Variants in NCKAP5 observed in about 807,000 individuals in gnomAD.
NCKAP5 encodes the protein NCK associated protein 5, also known as nck-associated protein 5.
NCKAP5 carries 92 observed loss-of-function variants against 167.0 expected under a neutral mutation model. That is an observed-to-expected ratio of 0.55 (90% CI 0.47 to 0.66). NCKAP5 has a LOEUF of 0.66. Among genes scored for constraint, NCKAP5 ranks in the 30% least tolerant of loss-of-function variants. The pLI is 0.00. For synonymous variants in NCKAP5, 891 were observed against 877.4 expected, an observed-to-expected ratio of 1.02 and a Z score of -0.27; for missense variants, 2,378 against 2,315.0, an observed-to-expected ratio of 1.03 and a Z score of -0.56.
intron 11 of NCKAP5, among the ~76,000 whole-genome samples, chr2:132,820,241 T>G (rs76671136): frequency 0.011 from 1,745 of 152,004 alleles, 27 homozygotes; most frequent in African/African-American, 0.039. Flanking sequence ...TTTTGTTTTT[T>G]TTTTAAGAGA....
intron 6 of NCKAP5, among the ~76,000 whole-genome samples, chr2:133,080,859 G>A (rs1242419261): frequency 6.6e-6 from 1 of 152,132 alleles, no homozygotes; most frequent in Non-Finnish European, 1.5e-5. Context: ...GAGACAGGAG[G>A]GAAAAGGTGG....
chr2:133,117,521 G>C (rs1017684366), intron 6 of NCKAP5: 1 of 152,184 alleles, frequency 6.6e-6, no homozygotes, highest in African/African-American at 2.4e-5. Flanking sequence ...CTCAAGAGAG[G>C]CTGCTTAGAA....
intron 8 of NCKAP5, among the ~76,000 whole-genome samples, chr2:132,946,743 C>T (rs1417849277): frequency 6.6e-6 from 1 of 152,072 alleles, no homozygotes; most frequent in East Asian, 1.9e-4. Flanking sequence ...TAAAAAAATA[C>T]AACAATTCGC....
intron 10 of NCKAP5, among the ~76,000 whole-genome samples, chr2:132,864,390 A>C (rs1406009971): frequency 6.6e-6 from 1 of 152,184 alleles, no homozygotes; most frequent in African/African-American, 2.4e-5. Context: ...GGTTCAAGAA[A>C]ATACTCAGAC....
At chr2:133,662,215 T>C in the NCKAP5 span, among the ~76,000 whole-genome samples, 1 of 152,148 alleles carries the variant, frequency 6.6e-6, no homozygotes, top group Non-Finnish European at 1.5e-5. Flanking sequence ...TTACTTTGCA[T>C]GGGTTGATGA....
In NCKAP5 at chr2:132,716,927, T is replaced by G. The variant is rs147126766; in HGVS notation, c.5713+8700A>C. 5.0e-3 allele frequency among the ~76,000 whole-genome samples: 766 copies of G among 152,308 alleles called. 8 individuals are homozygous for G. Among genetic ancestry groups the G allele is most frequent in the African/African-American group, 0.017 (726 of 41,554 alleles). ...GATAGTTAGCTTTTGACCATGTGATTTTTAGAAGCTGGCTGGGTTTTTTGT... is the reference window on the plus strand; with the variant it reads ...GATAGTTAGCTTTTGACCATGTGATGTTTAGAAGCTGGCTGGGTTTTTTGT... On this transcript the variant is annotated intron_variant, in intron 19 of 19. Transcript: ENST00000409261.
At chr2:133,414,539 C>T (rs964806111) in intron 3 of NCKAP5, among the ~76,000 whole-genome samples, 1 of 152,116 alleles carries the variant, frequency 6.6e-6, no homozygotes, top group African/African-American at 2.4e-5. Flanking sequence ...AAGCAACTCA[C>T]ATTACTCAAA....
chr2:133,065,168 C>T lies in NCKAP5; in HGVS notation c.341+64810G>A, dbSNP rs562866981. 2.0e-4 allele frequency among the ~76,000 whole-genome samples: 31 copies of T among 151,994 alleles called. No homozygotes were observed. The South Asian group carries it at 5.4e-3, about 27-fold the overall frequency. ...AACATCTCATAAGTCCACAGCCTGA[C>T]AACAGCCATAGTTCTAATGGCTCTT... is the stretch of plus-strand genomic sequence containing the variant. On this transcript the variant is annotated intron_variant, in intron 6 of 19. Coordinates refer to ENST00000409261, the MANE Select transcript of NCKAP5 (RefSeq NM_207363.3).
intron 8 of NCKAP5, among the ~76,000 whole-genome samples, chr2:132,914,198 G>A (rs1319117598): frequency 6.6e-6 from 1 of 152,008 alleles, no homozygotes; most frequent in Admixed American, 6.6e-5. Flanking sequence ...TTAAAATCTA[G>A]GAGGCTAAAT....
chr2:133,560,387 G>A (rs902061668), intron 1 of NCKAP5, among the ~76,000 whole-genome samples: 1 of 152,170 alleles, frequency 6.6e-6, no homozygotes, highest in African/African-American at 2.4e-5. Flanking sequence ...GCCTAGATGG[G>A]GAGATGTTCT....
At chr2:133,521,476 A>C (rs573269671) in intron 2 of NCKAP5, among the ~76,000 whole-genome samples, 1 of 152,260 alleles carries the variant, frequency 6.6e-6, no homozygotes, top group African/African-American at 2.4e-5. Context: ...TTGAGCTGTC[A>C]TAACAGAATA....
At chr2:133,606,469 T>C in the NCKAP5 span, among the ~76,000 whole-genome samples, 2 of 152,168 alleles carry the variant, frequency 1.3e-5, no homozygotes, top group Admixed American at 6.5e-5. Flanking sequence ...TGGTGATAAC[T>C]GCATCTGAAA....
chr2:132,837,694 G>T (rs1687993472), intron 11 of NCKAP5, among the ~76,000 whole-genome samples: 1 of 152,040 alleles, frequency 6.6e-6, no homozygotes, highest in Admixed American at 6.5e-5. Context: ...CAAGTGTCTG[G>T]TAACTTTTGA....
chr2:133,062,795 T>C lies in NCKAP5; in HGVS notation c.341+67183A>G, dbSNP rs1217850936. On this transcript the variant is annotated intron_variant, in intron 6 of 19. Transcript: ENST00000409261. Reference sequence around the variant, plus strand: ...TCTGGGAAATAATTTTCTTGGTGAATCGATCTTTATAATTCATTTACTTAC... The same window carrying C: ...TCTGGGAAATAATTTTCTTGGTGAACCGATCTTTATAATTCATTTACTTAC... 9.2e-5 allele frequency among the ~76,000 whole-genome samples: 14 copies of C among 152,346 alleles called. No homozygotes were observed. The South Asian group carries it at 2.7e-3, about 29-fold the overall frequency.
chr2:132,812,686 C>T (rs1267994896), intron 11 of NCKAP5, among the ~76,000 whole-genome samples: 1 of 152,196 alleles, frequency 6.6e-6, no homozygotes, highest in African/African-American at 2.4e-5. Context: ...GAAACGATTA[C>T]TCAGGAGAGG....
At chr2:132,800,796 T>G (rs1684967100) in intron 11 of NCKAP5, among the ~76,000 whole-genome samples, 1 of 152,208 alleles carries the variant, frequency 6.6e-6, no homozygotes, top group South Asian at 2.1e-4. Context: ...TTATCCAAAG[T>G]GTACTCTTAC....
At chr2:133,653,062 A>C in the NCKAP5 span, among the ~76,000 whole-genome samples, 1 of 152,152 alleles carries the variant, frequency 6.6e-6, no homozygotes, top group Non-Finnish European at 1.5e-5. Context: ...TCTTGCTCTT[A>C]TGTACCCAAT....
intron 5 of NCKAP5, among the ~76,000 whole-genome samples, chr2:133,196,780 G>A (rs866612042): frequency 3.3e-5 from 5 of 152,184 alleles, no homozygotes; most frequent in Middle Eastern, 3.4e-3. Flanking sequence ...GCAGGAAAGG[G>A]AGCCCCAAAG....
At chr2:132,895,745 T>C (rs1185314286) in intron 8 of NCKAP5, among the ~76,000 whole-genome samples, 4 of 147,654 alleles carry the variant, frequency 2.7e-5, no homozygotes, top group African/African-American at 5.0e-5. Flanking sequence ...TTTACAGATG[T>C]GCAGTCTGAG....
Sources: gnomAD v4.1 joint callset for allele counts (sites outside exome capture counted in the v4.1 genomes callset) on GRCh38, gnomAD v4.1.1 for gene constraint, MANE v1.5 for transcripts, NCBI Gene and HGNC (gene_info 2026-07-23, HGNC 2026-07-21) for gene names.